Variants in CCDC102B observed in about 807,000 individuals in gnomAD.
The protein encoded by CCDC102B is coiled-coil domain containing 102B, also known as coiled-coil domain-containing protein 102B.
CCDC102B carries 75 observed loss-of-function variants against 57.4 expected under a neutral mutation model. The ratio of observed to expected loss-of-function variants is 1.31; its 90% CI spans 1.08 to 1.58. CCDC102B has a LOEUF of 1.58. CCDC102B is among the 40% of genes most tolerant of loss of function. The pLI, the probability that CCDC102B is intolerant of heterozygous loss-of-function variation, is 0.00. For missense variants in CCDC102B, 636 were observed against 582.6 expected (o/e 1.09, Z -0.94); for synonymous variants, 206 against 201.9 (o/e 1.02, Z -0.17).
At chr18:68,902,386 A>G (rs1053045208) in intron 6 of CCDC102B, 1 of 152,206 alleles carries the variant, frequency 6.6e-6, no homozygotes, top group African/African-American at 2.4e-5. Flanking sequence ...GCAATATCAC[A>G]GCTGGGCAGA....
chr18:68,880,235 C>G (rs2039635688), intron 5 of CCDC102B, among the ~76,000 whole-genome samples: 1 of 152,236 alleles, frequency 6.6e-6, no homozygotes, highest in Admixed American at 6.5e-5. Context: ...GCCACTGGCC[C>G]AGGTGCTAAG....
chr18:68,758,669 A>C (rs1645769982), intron 2 of CCDC102B, among the ~76,000 whole-genome samples: 1 of 151,700 alleles, frequency 6.6e-6, no homozygotes, highest in South Asian at 2.1e-4. Context: ...AGAGAAAAAA[A>C]TCATGATATC....
chr18:68,746,110 A>G (rs2033608972), intron 2 of CCDC102B, among the ~76,000 whole-genome samples: 1 of 152,206 alleles, frequency 6.6e-6, no homozygotes, highest in African/African-American at 2.4e-5. Flanking sequence ...ATTTTAAAAA[A>G]CATATGCAAC....
intron 3 of CCDC102B, among the ~76,000 whole-genome samples, chr18:68,841,981 T>C (rs2144803067): frequency 6.6e-6 from 1 of 152,118 alleles, no homozygotes; most frequent in East Asian, 1.9e-4. Context: ...TCAAGTGATC[T>C]AACCGCCTTG....
intron 7 of CCDC102B, among the ~76,000 whole-genome samples, chr18:69,034,407 T>C (rs918845750): frequency 1.7e-4 from 26 of 152,096 alleles, no homozygotes; most frequent in African/African-American, 6.3e-4. Flanking sequence ...AAGTGCAGGT[T>C]CAACTTCATT....
At chr18:68,971,183 A>G (rs2050292717) in intron 6 of CCDC102B, among the ~76,000 whole-genome samples, 1 of 151,978 alleles carries the variant, frequency 6.6e-6, no homozygotes, top group Admixed American at 6.6e-5. Flanking sequence ...TATTTTTTTC[A>G]TATTTTCATC....
intron 6 of CCDC102B, among the ~76,000 whole-genome samples, chr18:68,919,765 A>G (rs916430572): frequency 5.3e-5 from 8 of 152,200 alleles, no homozygotes; most frequent in Admixed American, 3.9e-4. Flanking sequence ...TAAAGGTGGT[A>G]TTGAGATATT....
chr18:68,865,404 T>C (rs2038932225), intron 4 of CCDC102B, among the ~76,000 whole-genome samples: 1 of 152,106 alleles, frequency 6.6e-6, no homozygotes, highest in Non-Finnish European at 1.5e-5. Flanking sequence ...TTTTGTTAAG[T>C]TCACTGCTCA....
intron 5 of CCDC102B, among the ~76,000 whole-genome samples, chr18:68,883,767 A>G (rs1252024949): frequency 6.6e-6 from 1 of 152,212 alleles, no homozygotes; most frequent in Admixed American, 6.5e-5. Flanking sequence ...TCATTTCACA[A>G]AAGAGTGGAA....
intron 2 of CCDC102B, among the ~76,000 whole-genome samples, chr18:68,752,964 G>A (rs1275308488): frequency 1.3e-5 from 2 of 151,844 alleles, no homozygotes; most frequent in South Asian, 2.1e-4. Context: ...TCCTCCATTC[G>A]AAACCCTAAC....
At chr18:68,850,009 G>A (rs1220393480) in intron 4 of CCDC102B, among the ~76,000 whole-genome samples, 1 of 152,080 alleles carries the variant, frequency 6.6e-6, no homozygotes, top group African/African-American at 2.4e-5. Context: ...AGGCTTGGGA[G>A]TAGCGTACAT....
intron 6 of CCDC102B, among the ~76,000 whole-genome samples, chr18:68,930,308 T>C (rs11663059): frequency 0.29 from 42,767 of 149,912 alleles, 7,193 homozygotes; most frequent in East Asian, 0.65. Context: ...ATATACTACG[T>C]ATTATATAAT....
At chr18:68,809,862 T>C (rs1162335713) in intron 1 of CCDC102B, among the ~76,000 whole-genome samples, 1 of 152,212 alleles carries the variant, frequency 6.6e-6, no homozygotes, top group Non-Finnish European at 1.5e-5. Flanking sequence ...TGAATGTTTA[T>C]AGTAAAATGG....
At chr18:68,998,545 C>T (rs2163475) in intron 6 of CCDC102B, among the ~76,000 whole-genome samples, 129,464 of 151,174 alleles carry the variant, frequency 0.86, 57,447 homozygotes, top group Non-Finnish European at 0.97. Flanking sequence ...CACAATAGGC[C>T]GTCTGCAAGC....
chr18:69,009,458 T>C (rs1362866732), intron 6 of CCDC102B, among the ~76,000 whole-genome samples: 1 of 152,186 alleles, frequency 6.6e-6, no homozygotes, highest in East Asian at 1.9e-4. Context: ...GTCAAAAATA[T>C]GACATAAATT....
chr18:68,980,790 A>G (rs1281560229), intron 6 of CCDC102B, among the ~76,000 whole-genome samples: 1 of 152,022 alleles, frequency 6.6e-6, no homozygotes, highest in East Asian at 1.9e-4. Flanking sequence ...TGAGACAGGC[A>G]TGGGAGAGGA....
At chr18:68,926,355 T>G (rs1170191827) in intron 6 of CCDC102B, among the ~76,000 whole-genome samples, 1 of 151,892 alleles carries the variant, frequency 6.6e-6, no homozygotes, top group African/African-American at 2.4e-5. Context: ...GTCTATTATG[T>G]TTTTGCAGAA....
At chr18:69,024,321 A>G (rs897578148) in intron 7 of CCDC102B, among the ~76,000 whole-genome samples, 2 of 152,082 alleles carry the variant, frequency 1.3e-5, no homozygotes, top group African/African-American at 4.8e-5. Flanking sequence ...CCTCCAAAAC[A>G]GAAGTAATGA....
At chr18:68,766,421 G>A (rs141625868) in intron 2 of CCDC102B, among the ~76,000 whole-genome samples, 31 of 152,172 alleles carry the variant, frequency 2.0e-4, no homozygotes, top group African/African-American at 5.8e-4. Context: ...AAAAATTCCC[G>A]AGAAATGTGC....
Sources: gnomAD v4.1 joint callset for allele counts (sites outside exome capture counted in the v4.1 genomes callset) on GRCh38, gnomAD v4.1.1 for gene constraint, MANE v1.5 for transcripts, NCBI Gene and HGNC (gene_info 2026-07-23, HGNC 2026-07-21) for gene names.